Variants in MAP3K5 observed in about 807,000 individuals in gnomAD.
The protein encoded by MAP3K5 is mitogen-activated protein kinase kinase kinase 5, also known as ASK-1.
In MAP3K5, 56 loss-of-function variants were observed where a neutral mutation model predicts 158.7. The ratio of observed to expected loss-of-function variants is 0.35; its 90% CI spans 0.28 to 0.44. MAP3K5 has a LOEUF of 0.44. MAP3K5 is among the 20% of genes least tolerant of loss of function. MAP3K5 has a pLI of 1.00. For synonymous variants in MAP3K5, 579 were observed against 601.7 expected (o/e 0.96, Z 0.55); for missense variants, 1,294 against 1,674.8 (o/e 0.77, Z 3.97).
intron 1 of MAP3K5, among the ~76,000 whole-genome samples, chr6:136,739,009 A>G (rs1018074769): frequency 1.1e-4 from 17 of 152,124 alleles, no homozygotes; most frequent in African/African-American, 4.1e-4. Flanking sequence ...CTTATGATCT[A>G]GCAAGAGAAG....
At chr6:136,580,541 T>C (rs1774824595) in intron 24 of MAP3K5, 135 bp from the exon 25 acceptor site, 2 of 542,094 alleles carry the variant, frequency 3.7e-6, no homozygotes, top group Admixed American at 2.9e-5. Context: ...TAATTCTTTA[T>C]GTCATTGGAA....
At position 136,792,208 on chromosome 6, in the gene MAP3K5, G is replaced by A. The variant is rs1461616132; in HGVS notation, c.-51C>T. ...GCGGCGTCCCCCGCCCAGCCGCACC[G>A]CCTGGCCAGCCACAGCTCGGGGCTG... On this transcript the variant is annotated 5_prime_UTR_variant, in exon 1 of 30. Transcript: ENST00000359015. This position sits in a 1 kb window ranked among gnomAD's most constrained non-coding sequence, Gnocchi z 5.7. 18 of 1,513,734 alleles carry A rather than the reference G, an allele frequency of 1.2e-5. No homozygotes were observed. The highest frequency in any genetic ancestry group is 4.1e-5 in the Admixed American group (2 of 48,464). The allele number at this position is 1,513,734 out of a possible 1,614,324, so 93.8% of individuals were successfully genotyped here.
At chr6:136,747,740 T>C (rs1002230029) in intron 1 of MAP3K5, among the ~76,000 whole-genome samples, 17 of 152,202 alleles carry the variant, frequency 1.1e-4, no homozygotes, top group African/African-American at 3.6e-4. Context: ...CTGTGTGACA[T>C]TGGGGTGATG....
At chr6:136,589,071 T>A (rs961060497) in intron 23 of MAP3K5, among the ~76,000 whole-genome samples, 1 of 152,170 alleles carries the variant, frequency 6.6e-6, no homozygotes, top group African/African-American at 2.4e-5. Context: ...CGATAAAATG[T>A]TTAGCAAAGA....
At chr6:136,654,515 C>G (rs990816317) in intron 10 of MAP3K5, among the ~76,000 whole-genome samples, 1 of 151,938 alleles carries the variant, frequency 6.6e-6, no homozygotes, top group Non-Finnish European at 1.5e-5. Context: ...GGCATGGTAT[C>G]GGCTCACCGC....
intron 14 of MAP3K5, among the ~76,000 whole-genome samples, chr6:136,631,294 T>C (rs1165691496): frequency 6.6e-6 from 1 of 152,160 alleles, no homozygotes; most frequent in Admixed American, 6.5e-5. Flanking sequence ...ATGTATTTTC[T>C]CAGGCAGGGA....
intron 7 of MAP3K5, 57 bp downstream of exon 7, chr6:136,694,082 AC>A (rs1485837078): frequency 7.2e-7 from 1 of 1,380,840 alleles, no homozygotes; most frequent in African/African-American, 1.4e-5. Flanking sequence ...ATTTGCAAAT[AC>A]TTTTTTATGC....
intron 11 of MAP3K5, among the ~76,000 whole-genome samples, chr6:136,646,463 G>A (rs1778262290): frequency 6.6e-6 from 1 of 152,142 alleles, no homozygotes; most frequent in Admixed American, 6.6e-5. Flanking sequence ...ATAACAAATT[G>A]CTGGAAATAG....
intron 25 of MAP3K5, among the ~76,000 whole-genome samples, chr6:136,578,366 T>C (rs930207261): frequency 6.6e-6 from 1 of 152,188 alleles, no homozygotes; most frequent in Non-Finnish European, 1.5e-5. Context: ...TTCAACCAAA[T>C]ATGAATCAGG....
In MAP3K5 at chr6:136,723,467, C is replaced by T. The variant is rs536489406; in HGVS notation, c.449-2878G>A. On this transcript the variant is annotated intron_variant, in intron 1 of 29. Transcript: ENST00000359015. Reference sequence around the variant, plus strand: ...AAAAAATACCTGAAAAGTTGTACACCAACTTTTGTTGGTAATAGCTGTGTT... The same window carrying T: ...AAAAAATACCTGAAAAGTTGTACACTAACTTTTGTTGGTAATAGCTGTGTT... Among the ~76,000 whole-genome samples the T allele has an allele frequency of 3.9e-5, 6 of 151,996 alleles. No homozygotes were observed. In the East Asian group the frequency reaches 1.2e-3, roughly 29 times the overall value.
At chr6:136,646,278 G>A (rs1778251766) in intron 11 of MAP3K5, among the ~76,000 whole-genome samples, 1 of 152,086 alleles carries the variant, frequency 6.6e-6, no homozygotes, top group South Asian at 2.1e-4. Context: ...ATGGAAAATG[G>A]ACAGTACATA....
intron 1 of MAP3K5, among the ~76,000 whole-genome samples, chr6:136,747,440 A>C (rs983999494): frequency 6.6e-6 from 1 of 152,238 alleles, no homozygotes; most frequent in Non-Finnish European, 1.5e-5. Flanking sequence ...GCCCATTAAA[A>C]GAATTTTCTG....
intron 29 of MAP3K5, among the ~76,000 whole-genome samples, chr6:136,558,076 G>A (rs935325689): frequency 1.3e-5 from 2 of 152,106 alleles, no homozygotes; most frequent in Admixed American, 6.5e-5. Flanking sequence ...TATAATGGTG[G>A]GTATAATAGT....
intron 8 of MAP3K5, among the ~76,000 whole-genome samples, chr6:136,667,504 G>A (rs1279134855): frequency 6.6e-6 from 1 of 152,148 alleles, no homozygotes; most frequent in Non-Finnish European, 1.5e-5. Flanking sequence ...AGGATCTCCT[G>A]AGCTCAGGAG....
At chr6:136,650,858 A>C in intron 11 of MAP3K5, 126 bp downstream of exon 11, 1 of 536,268 alleles carries the variant, frequency 1.9e-6, no homozygotes, top group East Asian at 3.1e-5. Context: ...CATTTATGCC[A>C]AGACAGACAC....
chr6:136,754,145 C>T (rs976953715), intron 1 of MAP3K5, among the ~76,000 whole-genome samples: 7 of 151,942 alleles, frequency 4.6e-5, no homozygotes, highest in Middle Eastern at 6.8e-3. Flanking sequence ...TGGTGGCGGG[C>T]GCCTGTAATC....
At chr6:136,709,620 A>C (rs1288517464) in intron 2 of MAP3K5, among the ~76,000 whole-genome samples, 3 of 152,204 alleles carry the variant, frequency 2.0e-5, no homozygotes, top group Non-Finnish European at 4.4e-5. Flanking sequence ...AATGGCCACT[A>C]CTGGCTTAGT....
At chr6:136,584,492 G>T (rs1398386776) in intron 23 of MAP3K5, 4 of 153,658 alleles carry the variant, frequency 2.6e-5, no homozygotes, top group Non-Finnish European at 5.8e-5. Context: ...GGCAAAAAGA[G>T]AGAGCTTGTG....
chr6:136,684,473 A>G lies in MAP3K5; in HGVS notation c.1253+9667T>C, dbSNP rs1405869904. On this transcript the variant is annotated intron_variant, in intron 7 of 29. Coordinates refer to ENST00000359015, the MANE Select transcript of MAP3K5 (RefSeq NM_005923.4). ...TCTTTTTAGATTTGCTTAAAAAAGA[A>G]AATGTGGAGATAATCTGGCAATGAG... 2.0e-5 allele frequency among the ~76,000 whole-genome samples: 3 copies of G among 152,156 alleles called. No individual in the cohort carries two copies. The East Asian group carries it at 5.8e-4, about 29-fold the overall frequency.
Sources: gnomAD v4.1 joint callset for allele counts (sites outside exome capture counted in the v4.1 genomes callset) on GRCh38, gnomAD v4.1.1 for gene constraint, Gnocchi (gnomAD v3.1) non-coding constraint, MANE v1.5 for transcripts, NCBI Gene and HGNC (gene_info 2026-07-23, HGNC 2026-07-21) for gene names.